SMYD3: variants seen among roughly 807,000 people sequenced by gnomAD.
SMYD3 encodes the protein SET and MYND domain containing 3.
Under a neutral mutation model 57.7 loss-of-function variants are expected in SMYD3, and 36 were observed. The observed-to-expected ratio is 0.62, with a 90% CI of 0.48 to 0.82. The LOEUF (loss-of-function observed/expected upper bound fraction) is 0.82. Among genes scored for constraint, SMYD3 ranks in the 40% least tolerant of loss-of-function variants. The pLI, the probability that SMYD3 is intolerant of heterozygous loss-of-function variation, is 0.00. For synonymous variants in SMYD3, 211 were observed against 195.0 expected (o/e 1.08, Z -0.68); for missense variants, 515 against 538.8 (o/e 0.96, Z 0.44).
intron 8 of SMYD3, among the ~76,000 whole-genome samples, chr1:245,909,461 A>T (rs915406351): frequency 6.6e-6 from 1 of 152,140 alleles, no homozygotes; most frequent in African/African-American, 2.4e-5. Flanking sequence ...ATATAAAACC[A>T]GCATTATGTA....
At chr1:246,043,535 G>A (rs1416405922) in intron 5 of SMYD3, among the ~76,000 whole-genome samples, 1 of 152,198 alleles carries the variant, frequency 6.6e-6, no homozygotes, top group Non-Finnish European at 1.5e-5. Flanking sequence ...ACATGAGTGT[G>A]GCTCTCAGCC....
At chr1:245,793,486 C>T (rs761793649) in intron 10 of SMYD3, among the ~76,000 whole-genome samples, 3 of 152,068 alleles carry the variant, frequency 2.0e-5, no homozygotes, top group Non-Finnish European at 4.4e-5. Context: ...CGGCTTGCTT[C>T]GTCTCTCAAA....
At chr1:246,135,721 G>T (rs754653191) in intron 5 of SMYD3, among the ~76,000 whole-genome samples, 2 of 151,966 alleles carry the variant, frequency 1.3e-5, no homozygotes, top group Non-Finnish European at 2.9e-5. Flanking sequence ...TATGAACAGA[G>T]TAGAAATATA....
intron 5 of SMYD3, among the ~76,000 whole-genome samples, chr1:246,082,514 C>T (rs1317198693): frequency 6.6e-6 from 1 of 152,106 alleles, no homozygotes; most frequent in African/African-American, 2.4e-5. Flanking sequence ...AACCAATCAG[C>T]AGCACACATT....
intron 5 of SMYD3, among the ~76,000 whole-genome samples, chr1:245,948,924 T>C (rs2057519286): frequency 6.6e-6 from 1 of 152,146 alleles, no homozygotes; most frequent in Non-Finnish European, 1.5e-5. Flanking sequence ...GGGATTGCCC[T>C]ACCCCGTCCA....
chr1:245,818,871 C>G (rs1391085137), intron 10 of SMYD3, among the ~76,000 whole-genome samples: 1 of 146,062 alleles, frequency 6.8e-6, no homozygotes, highest in Non-Finnish European at 1.5e-5. Context: ...GCATCCAATA[C>G]AGGAGCACCC....
chr1:246,461,306 A>G (rs2067794454), intron 1 of SMYD3, among the ~76,000 whole-genome samples: 1 of 152,222 alleles, frequency 6.6e-6, no homozygotes, highest in Non-Finnish European at 1.5e-5. Flanking sequence ...AGTCAACAAG[A>G]ATATTTCCTA....
intron 10 of SMYD3, among the ~76,000 whole-genome samples, chr1:245,831,742 T>C (rs560132024): frequency 9.7e-4 from 148 of 152,312 alleles, no homozygotes; most frequent in African/African-American, 3.3e-3. Flanking sequence ...AACTCATCAC[T>C]GACAAGGGAA....
chr1:245,821,145 T>A (rs1229719601), intron 10 of SMYD3, among the ~76,000 whole-genome samples: 1 of 150,004 alleles, frequency 6.7e-6, no homozygotes, highest in African/African-American at 2.4e-5. Flanking sequence ...GACTTCAAAC[T>A]ATACTACAAG....
chr1:245,848,087 G>A (rs906843467), intron 10 of SMYD3, among the ~76,000 whole-genome samples: 8 of 142,626 alleles, frequency 5.6e-5, no homozygotes, highest in African/African-American at 1.3e-4. Context: ...TCAGGCAAAT[G>A]CAACAGAGAT....
chr1:245,789,898 T>C (rs1217075825), intron 10 of SMYD3, among the ~76,000 whole-genome samples: 1 of 152,268 alleles, frequency 6.6e-6, no homozygotes, highest in Non-Finnish European at 1.5e-5. Flanking sequence ...CTAGAATTCA[T>C]TGACCAGTTT....
At chr1:246,113,631 G>T (rs549496846) in intron 5 of SMYD3, 1 of 152,322 alleles carries the variant, frequency 6.6e-6, no homozygotes, top group South Asian at 2.1e-4. Context: ...TGGGAAAGCC[G>T]TAGTTTATCA....
At position 246,119,970 on chromosome 1, in the gene SMYD3, G is replaced by A. The variant is rs2061400742; in HGVS notation, c.532-190033C>T. ...AATGTAGGTTTTAAGTGACCCAGGA[G>A]CCTTCAGAAATGAAGACCCAAAGAA... On this transcript the variant is annotated intron_variant, in intron 5 of 11. Coordinates refer to ENST00000490107, the MANE Select transcript of SMYD3 (RefSeq NM_001167740.2). 2.6e-5 allele frequency among the ~76,000 whole-genome samples: 4 copies of A among 152,178 alleles called. No individual in the cohort carries two copies. In the South Asian group the frequency reaches 8.3e-4, roughly 32 times the overall value.
chr1:246,133,991 G>A (rs1042423145), intron 5 of SMYD3, among the ~76,000 whole-genome samples: 1 of 152,096 alleles, frequency 6.6e-6, no homozygotes, highest in Non-Finnish European at 1.5e-5. Context: ...AATTAAAAGT[G>A]CATTGTATCT....
At chr1:246,422,843 C>A (rs1260559107) in intron 1 of SMYD3, among the ~76,000 whole-genome samples, 1 of 152,130 alleles carries the variant, frequency 6.6e-6, no homozygotes, top group Non-Finnish European at 1.5e-5. Flanking sequence ...GTCTTTCTTT[C>A]TTTCTGGCCA....
intron 10 of SMYD3, among the ~76,000 whole-genome samples, chr1:245,818,234 A>G (rs1178988969): frequency 1.3e-5 from 2 of 152,192 alleles, no homozygotes; most frequent in Admixed American, 6.5e-5. Context: ...GAGAGTGGGG[A>G]GCAATATTCA....
intron 1 of SMYD3, among the ~76,000 whole-genome samples, chr1:246,492,977 G>A (rs2068294230): frequency 6.6e-6 from 1 of 152,146 alleles, no homozygotes; most frequent in Admixed American, 6.5e-5. Flanking sequence ...ACAGCCTTAA[G>A]GTACATTGTT....
At chr1:246,432,056 T>A (rs142872157) in intron 1 of SMYD3, among the ~76,000 whole-genome samples, 1 of 152,344 alleles carries the variant, frequency 6.6e-6, no homozygotes, top group African/African-American at 2.4e-5. Flanking sequence ...TAATTGCAGA[T>A]AAGACAAACA....
At chr1:246,060,265 G>A (rs538148640) in intron 5 of SMYD3, among the ~76,000 whole-genome samples, 3 of 152,108 alleles carry the variant, frequency 2.0e-5, no homozygotes, top group East Asian at 1.9e-4. Flanking sequence ...TCCAGCCTGG[G>A]CAACAGAGCG....
Sources: allele counts gnomAD v4.1 joint callset (sites outside exome capture counted in the v4.1 genomes callset), GRCh38; gene constraint gnomAD v4.1.1; transcripts MANE v1.5; gene names NCBI Gene and HGNC (gene_info 2026-07-23, HGNC 2026-07-21).